The following HECW2 variants were observed in gnomAD, a reference collection of about 807,000 sequenced individuals.
HECW2 encodes E3 ubiquitin-protein ligase HECW2.
A neutral mutation model predicts 175.2 loss-of-function variants in HECW2; 61 were observed. That is an observed-to-expected ratio of 0.35 (90% CI 0.28 to 0.43). The LOEUF is 0.43. HECW2 is among the 20% of genes least tolerant of loss of function. The probability of loss-of-function intolerance (pLI) is 1.00; values close to 1 mark genes in which losing one functional copy is unlikely to be tolerated. For synonymous variants in HECW2, 671 were observed against 731.0 expected (o/e 0.92, Z 1.32); for missense variants, 1,524 against 2,000.5 (o/e 0.76, Z 4.54).
intron 1 of HECW2, among the ~76,000 whole-genome samples, chr2:196,458,071 A>G (rs1696584460): frequency 6.6e-6 from 1 of 151,952 alleles, no homozygotes; most frequent in Non-Finnish European, 1.5e-5. Flanking sequence ...GGAGTTCGAG[A>G]CCAGCCTGGG....
chr2:196,471,792 A>G (rs1286636863), intron 1 of HECW2, among the ~76,000 whole-genome samples: 3 of 152,086 alleles, frequency 2.0e-5, no homozygotes, highest in East Asian at 3.9e-4. Context: ...TAAGAGGGGA[A>G]CAAGGGACAC....
At chr2:196,428,996 A>T (rs2125261458) in intron 2 of HECW2, among the ~76,000 whole-genome samples, 1 of 152,290 alleles carries the variant, frequency 6.6e-6, no homozygotes, top group Non-Finnish European at 1.5e-5. Flanking sequence ...TATTCTCTTG[A>T]TTGATGCCTC....
intron 2 of HECW2, among the ~76,000 whole-genome samples, chr2:196,350,809 T>C (rs1182459967): frequency 2.7e-5 from 4 of 150,474 alleles, no homozygotes; most frequent in African/African-American, 1.0e-4. Flanking sequence ...CATGTTTTGT[T>C]AAAAGAGGAA....
intron 15 of HECW2, among the ~76,000 whole-genome samples, chr2:196,276,061 A>G (rs1352645636): frequency 6.6e-6 from 1 of 152,088 alleles, no homozygotes; most frequent in Non-Finnish European, 1.5e-5. Context: ...TCATTTCAAC[A>G]CTCCAATATA....
chr2:196,500,781 C>A (rs1358885184), intron 1 of HECW2, among the ~76,000 whole-genome samples: 2 of 152,126 alleles, frequency 1.3e-5, no homozygotes, highest in East Asian at 3.9e-4. Flanking sequence ...GACAACCTAC[C>A]ACACCTCCAT....
intron 1 of HECW2, among the ~76,000 whole-genome samples, chr2:196,563,701 T>C (rs539865111): frequency 1.3e-3 from 192 of 152,290 alleles, no homozygotes; most frequent in African/African-American, 4.3e-3. Flanking sequence ...AATTTGTGCA[T>C]CTAAAAATAT....
At chr2:196,312,287 T>C (rs773131371) in intron 10 of HECW2, among the ~76,000 whole-genome samples, 27 of 152,284 alleles carry the variant, frequency 1.8e-4, no homozygotes, top group Admixed American at 5.9e-4. Context: ...TGGTTATCAT[T>C]GGATTTAGTA....
Position 196,296,786 on chromosome 2 carries a change from G to A in HECW2, c.2815-4036C>T, listed in dbSNP as rs143743262. On this transcript the variant is annotated intron_variant, in intron 13 of 28. Coordinates refer to ENST00000644978, the MANE Select transcript of HECW2 (RefSeq NM_001348768.2). ...GAAACACACGGACAGAATGAACAGA[G>A]GTAAGAATGGGAGCAGTCCAAAGAG... 5.8e-3 allele frequency among the ~76,000 whole-genome samples: 880 copies of A among 152,324 alleles called. 7 individuals are homozygous for A. The highest frequency in any genetic ancestry group is 0.021 in the Middle Eastern group (6 of 292).
intron 1 of HECW2, among the ~76,000 whole-genome samples, chr2:196,469,334 T>C (rs1019038145): frequency 1.3e-5 from 2 of 152,062 alleles, no homozygotes; most frequent in Admixed American, 6.6e-5. Context: ...AAGAGTGTTA[T>C]ATATTTTAAA....
intron 28 of HECW2, among the ~76,000 whole-genome samples, chr2:196,210,160 T>G (rs569220757): frequency 6.6e-6 from 1 of 152,300 alleles, no homozygotes; most frequent in Admixed American, 6.5e-5. Context: ...TAGACAATGC[T>G]CCCTATAATG....
At chr2:196,423,422 C>A (rs565366307) in intron 2 of HECW2, among the ~76,000 whole-genome samples, 1 of 152,052 alleles carries the variant, frequency 6.6e-6, no homozygotes, top group Admixed American at 6.6e-5. Context: ...CAATTGATAA[C>A]GTCAGAGCTT....
intron 1 of HECW2, among the ~76,000 whole-genome samples, chr2:196,561,163 G>T (rs1434449157): frequency 1.3e-5 from 2 of 152,170 alleles, no homozygotes; most frequent in Non-Finnish European, 2.9e-5. Flanking sequence ...TAACAGCCTT[G>T]GGAAAAGAAT....
intron 2 of HECW2, among the ~76,000 whole-genome samples, chr2:196,432,211 G>A (rs1695734919): frequency 6.6e-6 from 1 of 152,024 alleles, no homozygotes; most frequent in South Asian, 2.1e-4. Context: ...AAACAGATGG[G>A]TCTTTTTTTC....
intron 2 of HECW2, among the ~76,000 whole-genome samples, chr2:196,393,563 T>C (rs1452231522): frequency 6.6e-6 from 1 of 152,208 alleles, no homozygotes; most frequent in African/African-American, 2.4e-5. Context: ...ATGCTCATCA[T>C]CACTGGCCAT....
chr2:196,414,593 CCT>C (rs1695203025), intron 2 of HECW2, among the ~76,000 whole-genome samples: 1 of 152,248 alleles, frequency 6.6e-6, no homozygotes, highest in East Asian at 1.9e-4. Context: ...TGCAAATTCC[CCT>C]GAGGTGGTCA....
At chr2:196,315,157 T>A (rs1200960775) in intron 10 of HECW2, among the ~76,000 whole-genome samples, 1 of 85,118 alleles carries the variant, frequency 1.2e-5, no homozygotes, top group African/African-American at 5.7e-5. Flanking sequence ...TGAGTGTGTG[T>A]GTGTGTGTGT....
rs1232473844 is a variant in HECW2 at position 196,520,269 on chromosome 2, A to C, written c.-36+73239T>G. On this transcript the variant is annotated intron_variant, in intron 1 of 28. Coordinates refer to ENST00000644978, the MANE Select transcript of HECW2 (RefSeq NM_001348768.2). ...TTCTGTCAATCTCAAATTATTACCA[A>C]AAAAAAAAAAAGATCCAGTGAGCAT... Among the ~76,000 whole-genome samples the C allele has an allele frequency of 4.1e-5, 3 of 73,434 alleles. No homozygotes were observed. In the East Asian group the frequency reaches 6.9e-4, roughly 17 times the overall value. 48.2% of individuals were successfully genotyped at this position (73,434 alleles called of 152,430 possible).
At chr2:196,296,020 C>T (rs549022462) in intron 13 of HECW2, among the ~76,000 whole-genome samples, 1 of 152,206 alleles carries the variant, frequency 6.6e-6, no homozygotes, top group South Asian at 2.1e-4. Flanking sequence ...CTGTTAGGGT[C>T]TATACAAAAC....
At chr2:196,313,121 G>T (rs535682476) in intron 10 of HECW2, among the ~76,000 whole-genome samples, 1 of 152,158 alleles carries the variant, frequency 6.6e-6, no homozygotes, top group Admixed American at 6.5e-5. Context: ...CTACCATTTT[G>T]GGGGAAAAAC....
Sources: allele counts gnomAD v4.1 joint callset (sites outside exome capture counted in the v4.1 genomes callset), GRCh38; gene constraint gnomAD v4.1.1; transcripts MANE v1.5; gene names NCBI Gene and HGNC (gene_info 2026-07-23, HGNC 2026-07-21).